The following SLX4IP variants were observed in gnomAD, a reference collection of about 807,000 sequenced individuals.
SLX4IP encodes the protein SLX4 interacting protein, also known as protein SLX4IP.
Under a neutral mutation model 32.9 loss-of-function variants are expected in SLX4IP, and 34 were observed. The ratio of observed to expected loss-of-function variants is 1.03; its 90% CI spans 0.79 to 1.38. SLX4IP has a LOEUF of 1.38. Among genes scored for constraint, SLX4IP ranks in the 40% most tolerant of loss-of-function variants. The pLI, the probability that SLX4IP is intolerant of heterozygous loss-of-function variation, is 0.00. For synonymous variants in SLX4IP, 172 were observed against 171.7 expected (o/e 1.00, Z -0.01); for missense variants, 444 against 479.0 (o/e 0.93, Z 0.68).
chr20:10,607,169 C>T lies in SLX4IP; in HGVS notation c.405+5350C>T, dbSNP rs375914554. On this transcript the variant is annotated intron_variant, in intron 6 of 7. Transcript: ENST00000334534. The stretch of plus-strand genomic sequence containing the variant: ...ATAGTCTTTAGGTTTAAGGGACAGC[C>T]GAGCTGTGTCTGCCTCTGCCACACC... Among the ~76,000 whole-genome samples, 14 of 152,242 alleles carry T rather than the reference C, an allele frequency of 9.2e-5. No homozygotes were observed. The East Asian group carries it at 1.2e-3, about 13-fold the overall frequency.
At chr20:10,606,681 T>C (rs2122555182) in intron 6 of SLX4IP, among the ~76,000 whole-genome samples, 1 of 152,268 alleles carries the variant, frequency 6.6e-6, no homozygotes, top group South Asian at 2.1e-4. Context: ...AATCCAAATA[T>C]ATATAAAGAA....
chr20:10,445,525 C>T (rs566631764), intron 1 of SLX4IP, among the ~76,000 whole-genome samples: 4 of 151,518 alleles, frequency 2.6e-5, no homozygotes, highest in South Asian at 2.1e-4. Context: ...CCATGTTGGC[C>T]ATGCTGGTCT....
chr20:10,447,478 A>T (rs1372080295), intron 1 of SLX4IP, among the ~76,000 whole-genome samples: 2 of 151,614 alleles, frequency 1.3e-5, no homozygotes, highest in African/African-American at 2.4e-5. Flanking sequence ...TTATTCCTAG[A>T]TACTTTTTAT....
intron 2 of SLX4IP, among the ~76,000 whole-genome samples, chr20:10,550,826 G>A (rs896485110): frequency 3.6e-4 from 54 of 152,106 alleles, no homozygotes; most frequent in African/African-American, 1.2e-3. Flanking sequence ...ACTTGACTGC[G>A]ACACCACCTC....
At chr20:10,441,297 A>C (rs1224941582) in intron 1 of SLX4IP, among the ~76,000 whole-genome samples, 1 of 152,126 alleles carries the variant, frequency 6.6e-6, no homozygotes, top group Non-Finnish European at 1.5e-5. Context: ...TTAGCTGGGC[A>C]TGGTGGCTTA....
At chr20:10,488,009 G>T (rs185832093) in intron 2 of SLX4IP, among the ~76,000 whole-genome samples, 1 of 152,152 alleles carries the variant, frequency 6.6e-6, no homozygotes, top group Non-Finnish European at 1.5e-5. Flanking sequence ...GGACCTATCA[G>T]CTGTGGTAGC....
intron 2 of SLX4IP, among the ~76,000 whole-genome samples, chr20:10,527,095 A>T (rs1247104623): frequency 2.0e-5 from 3 of 152,204 alleles, no homozygotes; most frequent in Non-Finnish European, 2.9e-5. Context: ...TAATGATCAC[A>T]TACCATCAGT....
At chr20:10,613,387 T>TA in intron 6 of SLX4IP, 1 of 1,475,502 alleles carries the variant, frequency 6.8e-7, no homozygotes, top group Non-Finnish European at 9.5e-7. Context: ...GCACCTTGCT[T>TA]ACAATGGCAT....
At chr20:10,479,614 C>T (rs1183708920) in intron 2 of SLX4IP, among the ~76,000 whole-genome samples, 2 of 123,684 alleles carry the variant, frequency 1.6e-5, no homozygotes, top group Admixed American at 1.7e-4. Flanking sequence ...CTCCCAAAGT[C>T]CTGGGATTAC....
chr20:10,556,455 C>A, intron 3 of SLX4IP, 135 bp downstream of exon 3: 1 of 882,880 alleles, frequency 1.1e-6, no homozygotes, highest in Admixed American at 2.8e-5. Flanking sequence ...AATTGTATTC[C>A]CAATGACAGA....
intron 2 of SLX4IP, among the ~76,000 whole-genome samples, chr20:10,469,794 A>G (rs940266090): frequency 6.6e-6 from 1 of 152,186 alleles, no homozygotes. Flanking sequence ...GCTCGTGCCC[A>G]CGTTACTATG....
intron 2 of SLX4IP, among the ~76,000 whole-genome samples, chr20:10,460,766 G>A (rs1423994240): frequency 6.6e-6 from 1 of 152,132 alleles, no homozygotes; most frequent in African/African-American, 2.4e-5. Context: ...TTTCTCACAG[G>A]GATTGGGAGA....
intron 4 of SLX4IP, among the ~76,000 whole-genome samples, chr20:10,590,902 A>G (rs2066701841): frequency 6.6e-6 from 1 of 152,236 alleles, no homozygotes; most frequent in African/African-American, 2.4e-5. Flanking sequence ...CAAACTGACA[A>G]TATAAAGCTA....
chr20:10,507,996 G>A (rs549142026), intron 2 of SLX4IP, among the ~76,000 whole-genome samples: 6 of 151,712 alleles, frequency 4.0e-5, no homozygotes, highest in Non-Finnish European at 5.9e-5. Flanking sequence ...GTGTGTGTAC[G>A]TAAACATTAA....
intron 4 of SLX4IP, among the ~76,000 whole-genome samples, chr20:10,594,729 A>C (rs1046407827): frequency 5.9e-5 from 9 of 152,180 alleles, no homozygotes; most frequent in African/African-American, 2.2e-4. Context: ...GAATTTGTTC[A>C]ATTCATATTT....
intron 4 of SLX4IP, among the ~76,000 whole-genome samples, chr20:10,570,795 C>T (rs894393341): frequency 2.0e-4 from 31 of 152,250 alleles, no homozygotes; most frequent in African/African-American, 7.2e-4. Flanking sequence ...TTCCAAAGTG[C>T]TGGGATTACA....
intron 2 of SLX4IP, among the ~76,000 whole-genome samples, chr20:10,515,464 T>G (rs2065842359): frequency 6.6e-6 from 1 of 152,194 alleles, no homozygotes; most frequent in Admixed American, 6.5e-5. Flanking sequence ...TTTCCAAAGC[T>G]CAGAAAGAAA....
At chr20:10,519,915 T>A (rs1215981588) in intron 2 of SLX4IP, among the ~76,000 whole-genome samples, 1 of 152,236 alleles carries the variant, frequency 6.6e-6, no homozygotes, top group Non-Finnish European at 1.5e-5. Context: ...CCTAGTGGTA[T>A]GAAGTTGTGT....
intron 2 of SLX4IP, among the ~76,000 whole-genome samples, chr20:10,541,716 T>C (rs911484144): frequency 3.3e-5 from 5 of 152,238 alleles, no homozygotes; most frequent in Non-Finnish European, 7.3e-5. Context: ...CTGAGAATGA[T>C]GTTTGTTAAC....
Sources: allele counts gnomAD v4.1 joint callset (sites outside exome capture counted in the v4.1 genomes callset), GRCh38; gene constraint gnomAD v4.1.1; transcripts MANE v1.5; gene names NCBI Gene and HGNC (gene_info 2026-07-23, HGNC 2026-07-21).